The following SIPA1L2 variants were observed in gnomAD, a reference collection of about 807,000 sequenced individuals.
The protein encoded by SIPA1L2 is signal-induced proliferation-associated 1-like protein 2.
SIPA1L2 carries 56 observed loss-of-function variants against 163.9 expected under a neutral mutation model. That is an observed-to-expected ratio of 0.34 (90% confidence interval 0.28 to 0.43). The LOEUF (loss-of-function observed/expected upper bound fraction) is 0.43. SIPA1L2 is among the 20% of genes least tolerant of loss of function. The pLI is 1.00. For missense variants in SIPA1L2, 1,974 were observed against 2,193.5 expected, an observed-to-expected ratio of 0.90 and a Z score of 2.00; for synonymous variants, 877 against 865.7, an observed-to-expected ratio of 1.01 and a Z score of -0.23.
intron 2 of SIPA1L2, among the ~76,000 whole-genome samples, chr1:232,552,846 A>G (rs10797578): frequency 0.59 from 89,138 of 152,100 alleles, 27,991 homozygotes; most frequent in East Asian, 0.88. Context: ...CACTGAATGT[A>G]CAACGGGGGG....
chr1:232,588,425 A>AT (rs1660784955), intron 1 of SIPA1L2, among the ~76,000 whole-genome samples: 1 of 152,200 alleles, frequency 6.6e-6, no homozygotes, highest in African/African-American at 2.4e-5. Context: ...TACACTTAAG[A>AT]ATTTTCTGAT....
chr1:232,585,173 T>C (rs753272337), intron 1 of SIPA1L2, among the ~76,000 whole-genome samples: 3 of 152,236 alleles, frequency 2.0e-5, no homozygotes, highest in Non-Finnish European at 4.4e-5. Context: ...TAAAAGTGAA[T>C]AATCTTTACC....
intron 1 of SIPA1L2, among the ~76,000 whole-genome samples, chr1:232,605,469 T>C (rs1016557059): frequency 6.6e-6 from 1 of 152,142 alleles, no homozygotes; most frequent in African/African-American, 2.4e-5. Context: ...CCGAAACGGA[T>C]GGATCACCTG....
In SIPA1L2 at chr1:232,564,167, TGTGTG is replaced by T. The variant is rs1659240424; in HGVS notation, c.-270+10002_-270+10006del. Among the ~76,000 whole-genome samples, 3 of 102,980 alleles carry T rather than the reference TGTGTG, an allele frequency of 2.9e-5. 1 individual carries two copies. In the East Asian group the frequency reaches 8.6e-4, roughly 30 times the overall value. 67.6% of individuals were successfully genotyped at this position (102,980 alleles called of 152,430 possible). On this transcript the variant is annotated intron_variant, in intron 2 of 22. Transcript: ENST00000674635. ...TTTTTTTCGTGTGTGTGTGTGTGTG[TGTGTG>T]TGTGTGTGTGTGTGTGTTTCATCAT...
intron 2 of SIPA1L2, among the ~76,000 whole-genome samples, chr1:232,548,948 C>G (rs1036054136): frequency 2.6e-5 from 4 of 152,232 alleles, no homozygotes; most frequent in Non-Finnish European, 5.9e-5. Flanking sequence ...CAGGGAGGAG[C>G]AGAAGCTTCT....
chr1:232,604,487 A>C (rs1661784740), intron 1 of SIPA1L2, among the ~76,000 whole-genome samples: 2 of 152,366 alleles, frequency 1.3e-5, no homozygotes, highest in South Asian at 4.1e-4. Flanking sequence ...CATTATCAGA[A>C]TCTCACAACA....
intron 6 of SIPA1L2, 40 bp downstream of exon 6, chr1:232,483,752 G>A: frequency 6.2e-7 from 1 of 1,609,064 alleles, no homozygotes; most frequent in Non-Finnish European, 8.5e-7. Flanking sequence ...CCTACCTTTG[G>A]AGAATTAAAA....
chr1:232,436,761 C>T (rs1353140545), intron 15 of SIPA1L2, among the ~76,000 whole-genome samples: 1 of 152,166 alleles, frequency 6.6e-6, no homozygotes, highest in Non-Finnish European at 1.5e-5. Flanking sequence ...GCTGTAAATC[C>T]CATCCCTCCT....
chr1:232,405,761 T>C (rs1660598559), intron 19 of SIPA1L2, among the ~76,000 whole-genome samples: 1 of 152,254 alleles, frequency 6.6e-6, no homozygotes, highest in Non-Finnish European at 1.5e-5. Context: ...CTCATCCTTG[T>C]TTTATGCAAG....
chr1:232,522,910 T>C (rs1253826783), intron 2 of SIPA1L2, among the ~76,000 whole-genome samples: 1 of 152,204 alleles, frequency 6.6e-6, no homozygotes, highest in Non-Finnish European at 1.5e-5. Context: ...ATAGGATGAC[T>C]GCTCACTGAT....
intron 1 of SIPA1L2, among the ~76,000 whole-genome samples, chr1:232,596,609 T>C (rs1473792872): frequency 6.6e-6 from 1 of 152,226 alleles, no homozygotes; most frequent in Non-Finnish European, 1.5e-5. Flanking sequence ...TAAATATCAA[T>C]GTTCATATGA....
At chr1:232,428,307 G>T in intron 17 of SIPA1L2, 104 bp downstream of exon 17, 1 of 1,005,738 alleles carries the variant, frequency 9.9e-7, no homozygotes, top group Middle Eastern at 3.4e-4. Flanking sequence ...CATGAGAGAT[G>T]AAGCATGTGG....
chr1:232,597,689 CAAAA>C (rs376123118), intron 1 of SIPA1L2, among the ~76,000 whole-genome samples: 6 of 65,396 alleles, frequency 9.2e-5, no homozygotes, highest in South Asian at 6.9e-4. Flanking sequence ...AACTCTGTCT[CAAAA>C]AAAAAAAAAA....
At chr1:232,408,243 C>T (rs971732928) in intron 19 of SIPA1L2, among the ~76,000 whole-genome samples, 1 of 150,744 alleles carries the variant, frequency 6.6e-6, no homozygotes, top group African/African-American at 2.4e-5. Context: ...GGGGGAGGCA[C>T]AGGGCATCCA....
At position 232,557,035 on chromosome 1, in the gene SIPA1L2, C is replaced by G. The variant is rs976278434; in HGVS notation, c.-270+17139G>C. 1.7e-4 allele frequency among the ~76,000 whole-genome samples: 26 copies of G among 152,008 alleles called. 1 individual carries two copies. Among genetic ancestry groups the G allele is most frequent in the African/African-American group, 6.0e-4 (25 of 41,378 alleles). ...CAAAAGTAAATTTTTACCTGTGTCC[C>G]GTGAGCAAAAGAGGATTAACAAAAA... On this transcript the variant is annotated intron_variant, in intron 2 of 22. Transcript: ENST00000674635.
chr1:232,409,730 CCAGCTGAGCTGCAGCTGCATG>C (rs11273001), intron 19 of SIPA1L2, among the ~76,000 whole-genome samples: 3,903 of 152,240 alleles, frequency 0.026, 174 homozygotes, highest in African/African-American at 0.09. Flanking sequence ...TGCTCCAGAT[CCAGCTGAGCTGCAGCTGCATG>C]CAGCTGCCTG....
At chr1:232,526,217 TC>T (rs988556734) in intron 2 of SIPA1L2, among the ~76,000 whole-genome samples, 2 of 152,156 alleles carry the variant, frequency 1.3e-5, no homozygotes, top group African/African-American at 4.8e-5. Flanking sequence ...AGACCCGGCC[TC>T]CCCAGGCCTG....
intron 2 of SIPA1L2, among the ~76,000 whole-genome samples, chr1:232,516,899 T>G (rs528346212): frequency 5.9e-5 from 9 of 152,300 alleles, no homozygotes; most frequent in South Asian, 4.1e-4. Flanking sequence ...CTTCTGCCAA[T>G]GAGTAATATA....
chr1:232,438,060 T>G (rs1279590633), intron 15 of SIPA1L2, among the ~76,000 whole-genome samples: 1 of 152,084 alleles, frequency 6.6e-6, no homozygotes, highest in East Asian at 1.9e-4. Context: ...TGGAGTTTCT[T>G]TAACTTGTAA....
Sources: gnomAD v4.1 joint callset for allele counts (sites outside exome capture counted in the v4.1 genomes callset) on GRCh38, gnomAD v4.1.1 for gene constraint, MANE v1.5 for transcripts, NCBI Gene and HGNC (gene_info 2026-07-23, HGNC 2026-07-21) for gene names.